The following ZNF804B variants were observed in gnomAD, a reference collection of about 807,000 sequenced individuals.
ZNF804B encodes zinc finger protein 804B.
In ZNF804B, 80 loss-of-function variants were observed where a neutral mutation model predicts 101.4. The observed-to-expected ratio is 0.79, with a 90% CI of 0.66 to 0.95. ZNF804B has a LOEUF of 0.95. ZNF804B is among the 40% of genes least tolerant of loss of function. The pLI is 0.00. For missense variants in ZNF804B, 1,673 were observed against 1,561.9 expected, an observed-to-expected ratio of 1.07 and a Z score of -1.20; for synonymous variants, 622 against 558.8, an observed-to-expected ratio of 1.11 and a Z score of -1.59.
intron 2 of ZNF804B, among the ~76,000 whole-genome samples, chr7:89,287,341 T>C (rs1282989077): frequency 6.6e-6 from 1 of 152,118 alleles, no homozygotes; most frequent in East Asian, 1.9e-4. Context: ...CACACGTATG[T>C]ATGTATTCAG....
At chr7:88,829,024 A>G (rs1791091390) in intron 1 of ZNF804B, among the ~76,000 whole-genome samples, 1 of 152,074 alleles carries the variant, frequency 6.6e-6, no homozygotes, top group South Asian at 2.1e-4. Context: ...GGAAGTAATT[A>G]CTTTGTTGGG....
At chr7:89,100,129 A>T (rs1366406343) in intron 1 of ZNF804B, among the ~76,000 whole-genome samples, 1 of 152,164 alleles carries the variant, frequency 6.6e-6, no homozygotes, top group Non-Finnish European at 1.5e-5. Context: ...AGACTAATGG[A>T]ACAGAATAGA....
intron 2 of ZNF804B, among the ~76,000 whole-genome samples, chr7:89,279,079 G>T (rs1295940613): frequency 2.8e-4 from 42 of 152,064 alleles, no homozygotes; most frequent in South Asian, 2.3e-3. Flanking sequence ...CCCTTGTAAG[G>T]TGGATTCCTA....
chr7:89,327,540 A>G, intron 3 of ZNF804B, 66 bp downstream of exon 3: 1 of 1,568,990 alleles, frequency 6.4e-7, no homozygotes, highest in East Asian at 2.3e-5. Context: ...TTTTAAAGGC[A>G]AATCTACTGT....
chr7:89,162,866 C>T (rs965609557), intron 1 of ZNF804B, among the ~76,000 whole-genome samples: 1 of 101,662 alleles, frequency 9.8e-6, no homozygotes, highest in African/African-American at 3.5e-5. Context: ...CATGTGTTCT[C>T]ATTGTTCAAT....
At chr7:88,912,582 A>G (rs982012187) in intron 1 of ZNF804B, among the ~76,000 whole-genome samples, 3 of 152,088 alleles carry the variant, frequency 2.0e-5, no homozygotes, top group Admixed American at 6.6e-5. Context: ...ACTTTTGTGT[A>G]TAGAGTGAGA....
chr7:89,166,132 A>G (rs74851366), intron 1 of ZNF804B, among the ~76,000 whole-genome samples: 2,270 of 152,236 alleles, frequency 0.015, 50 homozygotes, highest in South Asian at 0.031. Flanking sequence ...CCTTCAAGTT[A>G]GACTGCTTAG....
chr7:89,228,858 C>T (rs561816079), intron 2 of ZNF804B, among the ~76,000 whole-genome samples: 5 of 152,208 alleles, frequency 3.3e-5, no homozygotes, highest in East Asian at 1.9e-4. Flanking sequence ...CAGGGGCGCA[C>T]GGAGCAGGTA....
At chr7:89,285,126 G>A (rs900193017) in intron 2 of ZNF804B, among the ~76,000 whole-genome samples, 4 of 152,070 alleles carry the variant, frequency 2.6e-5, no homozygotes, top group African/African-American at 9.7e-5. Flanking sequence ...GGCTGAGGCA[G>A]GAGGATAGCT....
intron 2 of ZNF804B, among the ~76,000 whole-genome samples, chr7:89,279,212 A>T (rs1299124807): frequency 1.3e-5 from 2 of 152,008 alleles, no homozygotes; most frequent in Non-Finnish European, 2.9e-5. Context: ...GTATCCTGAG[A>T]CTTTGCTGAA....
intron 1 of ZNF804B, among the ~76,000 whole-genome samples, chr7:89,049,226 C>G (rs1858816): frequency 2.0e-5 from 3 of 151,618 alleles, no homozygotes; most frequent in Non-Finnish European, 4.4e-5. Context: ...CATTGACAGG[C>G]CATGTGGGAG....
At chr7:88,892,152 T>C (rs1049473917) in intron 1 of ZNF804B, among the ~76,000 whole-genome samples, 2 of 151,172 alleles carry the variant, frequency 1.3e-5, no homozygotes, top group Non-Finnish European at 2.9e-5. Context: ...ATTTTGATGC[T>C]ACAAATTAGA....
intron 1 of ZNF804B, among the ~76,000 whole-genome samples, chr7:88,813,890 G>A (rs1031427898): frequency 6.6e-6 from 1 of 152,130 alleles, no homozygotes; most frequent in Non-Finnish European, 1.5e-5. Flanking sequence ...ATAATTGCTT[G>A]GAGTTTTAAA....
chr7:88,776,404 G>A (rs915978458), intron 1 of ZNF804B, among the ~76,000 whole-genome samples: 4 of 152,100 alleles, frequency 2.6e-5, no homozygotes, highest in South Asian at 4.1e-4. Context: ...GGGCCAGTTA[G>A]CATCATGTTG....
intron 1 of ZNF804B, among the ~76,000 whole-genome samples, chr7:89,104,640 C>T (rs866135603): frequency 1.3e-5 from 2 of 151,864 alleles, no homozygotes; most frequent in African/African-American, 4.8e-5. Context: ...TTTTTTCCCT[C>T]TTATTTTCAC....
intron 2 of ZNF804B, among the ~76,000 whole-genome samples, chr7:89,271,554 G>T (rs943847056): frequency 6.6e-6 from 1 of 152,032 alleles, no homozygotes; most frequent in Admixed American, 6.6e-5. Context: ...TCTCTGCCAG[G>T]CTTTGGTATG....
intron 1 of ZNF804B, among the ~76,000 whole-genome samples, chr7:88,813,122 A>G (rs1790815927): frequency 6.6e-6 from 1 of 152,164 alleles, no homozygotes; most frequent in African/African-American, 2.4e-5. Context: ...ATAGTTTCCC[A>G]TAAATCTTAT....
At chr7:88,789,439 T>C (rs1001885823) in intron 1 of ZNF804B, among the ~76,000 whole-genome samples, 4 of 152,140 alleles carry the variant, frequency 2.6e-5, no homozygotes, top group African/African-American at 4.8e-5. Flanking sequence ...TACACTGTTA[T>C]ACCAGTATAC....
At chr7:89,143,405 C>A (rs571728609) in intron 1 of ZNF804B, among the ~76,000 whole-genome samples, 2 of 151,886 alleles carry the variant, frequency 1.3e-5, no homozygotes, top group South Asian at 2.1e-4. Flanking sequence ...TTAGTGATAA[C>A]CTTTTTGTTC....
Sources: gnomAD v4.1 joint callset for allele counts (sites outside exome capture counted in the v4.1 genomes callset) on GRCh38, gnomAD v4.1.1 for gene constraint, MANE v1.5 for transcripts, NCBI Gene and HGNC (gene_info 2026-07-23, HGNC 2026-07-21) for gene names.